GPC5: variants seen among roughly 807,000 people sequenced by gnomAD.
GPC5 encodes glypican 5.
Under a neutral mutation model 53.9 loss-of-function variants are expected in GPC5, and 47 were observed. The ratio of observed to expected loss-of-function variants is 0.87; its 90% CI spans 0.69 to 1.11. The LOEUF (loss-of-function observed/expected upper bound fraction) is 1.11, where lower values mean the gene tolerates loss of function less well. Among genes scored for constraint, GPC5 ranks in the 50% most tolerant of loss-of-function variants. GPC5 has a pLI of 0.00. For missense variants in GPC5, 748 were observed against 713.1 expected, an observed-to-expected ratio of 1.05 and a Z score of -0.56; for synonymous variants, 286 against 263.3, an observed-to-expected ratio of 1.09 and a Z score of -0.84.
intron 7 of GPC5, among the ~76,000 whole-genome samples, chr13:92,784,046 A>G (rs1002975245): frequency 6.6e-6 from 1 of 152,186 alleles, no homozygotes; most frequent in Non-Finnish European, 1.5e-5. Flanking sequence ...CAAAACTTTA[A>G]TTAAACTCCT....
intron 2 of GPC5, among the ~76,000 whole-genome samples, chr13:91,595,534 T>C (rs2032963142): frequency 6.6e-6 from 1 of 152,194 alleles, no homozygotes; most frequent in Non-Finnish European, 1.5e-5. Context: ...TTTTATGTTG[T>C]CTGTTATTGA....
chr13:91,432,897 A>G (rs948571971), intron 1 of GPC5, among the ~76,000 whole-genome samples: 2 of 152,154 alleles, frequency 1.3e-5, no homozygotes, highest in Admixed American at 6.6e-5. Context: ...GATCTCATTC[A>G]TTTTGAGCTA....
chr13:91,534,774 G>GTTGT (rs563106088), intron 2 of GPC5, among the ~76,000 whole-genome samples: 28 of 152,092 alleles, frequency 1.8e-4, no homozygotes, highest in Non-Finnish European at 2.5e-4. Flanking sequence ...AATCCTGTTT[G>GTTGT]TTGTTTGTTT....
At chr13:92,249,527 T>G (rs1316116758) in intron 7 of GPC5, among the ~76,000 whole-genome samples, 1 of 152,024 alleles carries the variant, frequency 6.6e-6, no homozygotes, top group African/African-American at 2.4e-5. Context: ...GGCTAAGAAT[T>G]TATTTATGTG....
At chr13:91,613,175 C>T (rs559585493) in intron 2 of GPC5, among the ~76,000 whole-genome samples, 4 of 152,084 alleles carry the variant, frequency 2.6e-5, no homozygotes, top group East Asian at 1.9e-4. Context: ...TGTTTTATTC[C>T]GTGTTAATGC....
At position 91,737,681 on chromosome 13, in the gene GPC5, G is replaced by T. The variant is rs975811413; in HGVS notation, c.1154+9016G>T. Among the ~76,000 whole-genome samples, 82 of 150,864 alleles carry T rather than the reference G, an allele frequency of 5.4e-4. 1 individual carries two copies. The highest frequency in any genetic ancestry group is 2.0e-3 in the African/African-American group (80 of 40,282). On this transcript the variant is annotated intron_variant, in intron 4 of 7. Transcript: ENST00000377067. Reference sequence around the variant, plus strand: ...AGATTTTGTGTATTATGAAAATTTTGTTGTTTAAAATTATGTTAGAGATAT... The same window carrying T: ...AGATTTTGTGTATTATGAAAATTTTTTTGTTTAAAATTATGTTAGAGATAT...
At chr13:91,526,333 G>A (rs1566476831) in intron 2 of GPC5, among the ~76,000 whole-genome samples, 2 of 152,172 alleles carry the variant, frequency 1.3e-5, no homozygotes, top group Admixed American at 6.5e-5. Context: ...TTACTGAGTT[G>A]AAGAAGCTTT....
At chr13:91,521,481 T>A (rs540107334) in intron 2 of GPC5, among the ~76,000 whole-genome samples, 1 of 152,372 alleles carries the variant, frequency 6.6e-6, no homozygotes, top group Admixed American at 6.5e-5. Context: ...TTTCTTTCCT[T>A]CTTTTCCTCC....
At chr13:92,828,037 G>T (rs574933257) in intron 7 of GPC5, among the ~76,000 whole-genome samples, 1 of 152,064 alleles carries the variant, frequency 6.6e-6, no homozygotes, top group Non-Finnish European at 1.5e-5. Context: ...AATAGGCAAA[G>T]CATAGAGAAA....
chr13:92,276,439 CTAT>C (rs1259337728), intron 7 of GPC5, among the ~76,000 whole-genome samples: 1 of 152,014 alleles, frequency 6.6e-6, no homozygotes, highest in East Asian at 1.9e-4. Context: ...TTTGACGAGA[CTAT>C]TATTCTTTGA....
At chr13:92,095,535 T>A (rs1288175112) in intron 6 of GPC5, among the ~76,000 whole-genome samples, 1 of 151,304 alleles carries the variant, frequency 6.6e-6, no homozygotes, top group African/African-American at 2.4e-5. Flanking sequence ...TTGTTTCTGT[T>A]TTTGTTTTTG....
At chr13:91,841,216 A>AAATGGAT (rs1184754844) in intron 5 of GPC5, among the ~76,000 whole-genome samples, 11 of 151,754 alleles carry the variant, frequency 7.2e-5, no homozygotes, top group African/African-American at 2.7e-4. Context: ...CTTATCGGAA[A>AAATGGAT]TTCTACTGCA....
chr13:91,854,680 C>T (rs2038948395), intron 5 of GPC5, among the ~76,000 whole-genome samples: 1 of 151,722 alleles, frequency 6.6e-6, no homozygotes, highest in South Asian at 2.1e-4. Flanking sequence ...CTCTCTCATC[C>T]AATCACACTA....
intron 6 of GPC5, among the ~76,000 whole-genome samples, chr13:92,106,259 G>A (rs189169892): frequency 1.3e-5 from 2 of 151,818 alleles, no homozygotes; most frequent in Admixed American, 6.6e-5. Flanking sequence ...AAAAAAGATG[G>A]ACCCCCAATT....
intron 7 of GPC5, among the ~76,000 whole-genome samples, chr13:92,684,252 CT>C (rs1393598764): frequency 1.3e-5 from 2 of 151,852 alleles, no homozygotes; most frequent in South Asian, 2.1e-4. Flanking sequence ...GGCTTTCTTT[CT>C]CTTTTTTATT....
At chr13:92,526,845 T>A (rs1881301350) in intron 7 of GPC5, among the ~76,000 whole-genome samples, 1 of 151,652 alleles carries the variant, frequency 6.6e-6, no homozygotes, top group Non-Finnish European at 1.5e-5. Context: ...ATAATGGAAA[T>A]CTAGGAAGTT....
At chr13:91,938,235 T>A (rs1012107975) in intron 6 of GPC5, among the ~76,000 whole-genome samples, 2 of 152,024 alleles carry the variant, frequency 1.3e-5, no homozygotes, top group African/African-American at 4.8e-5. Flanking sequence ...TGGTAAAGCC[T>A]TAGGGAGATT....
At chr13:92,448,734 G>A (rs1042197935) in intron 7 of GPC5, 8 of 151,288 alleles carry the variant, frequency 5.3e-5, no homozygotes, top group Non-Finnish European at 8.8e-5. Flanking sequence ...TTTCACTTTG[G>A]TATAAGAATT....
At chr13:91,571,942 T>TACACACAC (rs1305146568) in intron 2 of GPC5, among the ~76,000 whole-genome samples, 14 of 138,270 alleles carry the variant, frequency 1.0e-4, no homozygotes, top group Non-Finnish European at 1.7e-4. Context: ...CACACATGTA[T>TACACACAC]ATACATATAC....
Sources: gnomAD v4.1 joint callset for allele counts (sites outside exome capture counted in the v4.1 genomes callset) on GRCh38, gnomAD v4.1.1 for gene constraint, MANE v1.5 for transcripts, NCBI Gene and HGNC (gene_info 2026-07-23, HGNC 2026-07-21) for gene names.